SUZ12: variants seen among roughly 807,000 people sequenced by gnomAD.
The protein encoded by SUZ12 is SUZ12 polycomb repressive complex 2 subunit.
A neutral mutation model predicts 87.3 loss-of-function variants in SUZ12; 17 were observed. The ratio of observed to expected loss-of-function variants is 0.19; its 90% CI spans 0.13 to 0.29. The LOEUF is 0.29. Among genes scored for constraint, SUZ12 ranks in the 10% least tolerant of loss-of-function variants. The pLI, the probability that SUZ12 is intolerant of heterozygous loss-of-function variation, is 1.00. For missense variants in SUZ12, 526 were observed against 912.2 expected (o/e 0.58, Z 5.45); for synonymous variants, 253 against 312.4 (o/e 0.81, Z 2.01).
Position 31,989,997 on chromosome 17 carries a change from C to T in SUZ12, c.1201+1500C>T, listed in dbSNP as rs1257786812. On this transcript the variant is annotated intron_variant, in intron 10 of 15. Transcript: ENST00000322652. Reference sequence around the variant, plus strand: ...TTCTTTTTTGAGATGGAGTCTCGCCCAGGCTGGAGTGCAGTGGTGCGATCT... The same window carrying T: ...TTCTTTTTTGAGATGGAGTCTCGCCTAGGCTGGAGTGCAGTGGTGCGATCT... Among the ~76,000 whole-genome samples, 3 of 140,568 alleles carry T rather than the reference C, an allele frequency of 2.1e-5. No homozygotes were observed. In the East Asian group the frequency reaches 5.8e-4, roughly 27 times the overall value. 92.2% of individuals were successfully genotyped at this position (140,568 alleles called of 152,430 possible). A position where few individuals can be genotyped will look rare whatever the true frequency, so the allele number is the denominator to read the frequency against.
intron 9 of SUZ12, among the ~76,000 whole-genome samples, chr17:31,987,827 A>G (rs1909495329): frequency 6.6e-6 from 1 of 152,074 alleles, no homozygotes; most frequent in Non-Finnish European, 1.5e-5. Context: ...AATCCCAGCT[A>G]CTTGGGAGGC....
At position 31,988,425 on chromosome 17, in the gene SUZ12, C is replaced by T. The variant is rs1446094255; in HGVS notation, c.1129C>T (p.Leu377Phe). The change falls in exon 10 of 16, where the codon CTT (leucine) becomes TTT (phenylalanine). Residue 377 changes from leucine to phenylalanine, a missense_variant. By Grantham distance (22) the Leu-to-Phe change is conservative (BLOSUM62 0). Around this residue, in one of 9 missense-constraint regions of SUZ12, gnomAD observed 85 missense variants for 87.4 expected, o/e 0.97. Transcript: ENST00000322652. ...ATCTACGGCTCCTATTGCCAAACCT[C>T]TTGCCACTAGAAATTCAGAGAGTCT... ...DKSTAPIAKP[L>F]ATRNSESLHQ... 1 of 1,613,936 alleles carries T rather than the reference C, an allele frequency of 6.2e-7. No homozygotes were observed.
intron 5 of SUZ12, among the ~76,000 whole-genome samples, chr17:31,971,020 G>T (rs521919): frequency 0.18 from 27,743 of 151,810 alleles, 3,119 homozygotes; most frequent in African/African-American, 0.31. Flanking sequence ...TGTAAAGCCT[G>T]TGTTAATTTA....
intron 3 of SUZ12, among the ~76,000 whole-genome samples, chr17:31,945,185 A>G (rs1248849200): frequency 1.3e-5 from 2 of 152,014 alleles, no homozygotes; most frequent in Non-Finnish European, 2.9e-5. Context: ...TGTTGTCTTC[A>G]GCGTAGTTGG....
chr17:31,985,484 C>T (rs1396687076), intron 9 of SUZ12, among the ~76,000 whole-genome samples: 1 of 151,500 alleles, frequency 6.6e-6, no homozygotes, highest in Admixed American at 6.6e-5. Context: ...GTGGTTAACT[C>T]CAGGTGATGA....
intron 4 of SUZ12, among the ~76,000 whole-genome samples, chr17:31,949,414 G>T (rs1906813638): frequency 6.6e-6 from 1 of 152,134 alleles, no homozygotes; most frequent in Non-Finnish European, 1.5e-5. Flanking sequence ...AGCCTCTCAA[G>T]ATTCTTATGA....
At position 31,969,441 on chromosome 17, in the gene SUZ12, C is replaced by T. The variant is rs532172514; in HGVS notation, c.505+3245C>T. Among the ~76,000 whole-genome samples, 5 of 151,338 alleles carry T rather than the reference C, an allele frequency of 3.3e-5. No homozygotes were observed. The South Asian group carries it at 6.3e-4, about 19-fold the overall frequency. On this transcript the variant is annotated intron_variant, in intron 5 of 15. Coordinates refer to ENST00000322652, the MANE Select transcript of SUZ12 (RefSeq NM_015355.4). ...TGGGATTTCAGTAGGCATGAGCCAC[C>T]GAGCCCAGCCCCTAATTTTTATATT...
intron 10 of SUZ12, among the ~76,000 whole-genome samples, chr17:31,989,889 A>G (rs994186195): frequency 8.7e-5 from 13 of 149,352 alleles, no homozygotes; most frequent in Admixed American, 2.7e-4. Context: ...GATTACAGGC[A>G]CGAGCCACTG....
At chr17:31,942,400 A>G (rs1246475220) in intron 3 of SUZ12, among the ~76,000 whole-genome samples, 1 of 151,618 alleles carries the variant, frequency 6.6e-6, no homozygotes, top group Non-Finnish European at 1.5e-5. Context: ...CAATGGCGCA[A>G]TCTTGGCTCA....
At chr17:31,951,920 A>G (rs866456375) in intron 4 of SUZ12, among the ~76,000 whole-genome samples, 10 of 151,508 alleles carry the variant, frequency 6.6e-5, no homozygotes, top group South Asian at 2.1e-4. Flanking sequence ...GATTATATGC[A>G]TGCCCTACCA....
At chr17:31,945,308 C>T (rs1906571842) in intron 3 of SUZ12, among the ~76,000 whole-genome samples, 1 of 152,104 alleles carries the variant, frequency 6.6e-6, no homozygotes, top group Admixed American at 6.6e-5. Context: ...ATAAGCATAT[C>T]ACTCCCTTTA....
intron 4 of SUZ12, among the ~76,000 whole-genome samples, chr17:31,953,889 T>A (rs544873883): frequency 6.7e-4 from 102 of 151,768 alleles, no homozygotes; most frequent in East Asian, 3.1e-3. Context: ...AATTTTTGTA[T>A]TTTTAGTAGA....
rs752157487 is a variant in SUZ12 at position 31,973,152 on chromosome 17, C to T, written c.512C>T (p.Pro171Leu). Residue 171 changes from proline to leucine, a missense_variant, in exon 6 of 16, where the codon CCA becomes CTA. By Grantham distance (98) the Pro-to-Leu change is moderately conservative. Around this residue, in one of 9 missense-constraint regions of SUZ12, gnomAD observed 49 missense variants for 73.2 expected, o/e 0.67. Coordinates refer to ENST00000322652, the MANE Select transcript of SUZ12 (RefSeq NM_015355.4). ...ATACTGATTTTCTATTTAGATAAGC[C>T]ATCACCAAACTCAGAAAATGAACAA... is the stretch of plus-strand genomic sequence containing the variant. Reference protein sequence around the residue: ...FTGFFHKNDKPSPNSENEQNS... With the variant: ...FTGFFHKNDKLSPNSENEQNS... 3.9e-6 allele frequency: 6 copies of T among 1,541,824 alleles called. No individual in the cohort carries two copies. Among genetic ancestry groups the T allele is most frequent in the African/African-American group, 1.4e-5 (1 of 70,592 alleles).
intron 8 of SUZ12, 25 bp downstream of exon 8, chr17:31,976,639 T>A (rs574108413): frequency 5.3e-6 from 8 of 1,497,756 alleles, no homozygotes; most frequent in Non-Finnish European, 7.4e-6. Context: ...CAAGTGAGGC[T>A]CCCACAATGT....
At chr17:31,943,028 G>A (rs981140968) in intron 3 of SUZ12, among the ~76,000 whole-genome samples, 3 of 152,210 alleles carry the variant, frequency 2.0e-5, no homozygotes, top group Admixed American at 2.0e-4. Flanking sequence ...GTTGAGTTGT[G>A]TAAATCTTGT....
In SUZ12 at chr17:31,975,732, A is replaced by G. The variant is rs370825268; in HGVS notation, c.823+19A>G. The G allele has an allele frequency of 6.6e-4, 1,034 of 1,561,190 alleles. 1 individual carries two copies. Among genetic ancestry groups the G allele is most frequent in the Non-Finnish European group, 6.9e-4 (783 of 1,141,274 alleles). Reference sequence around the variant, plus strand: ...AATATTGGTAATTTTTTTTTTTACTAGATTTTATCACTGGAGACTAAGATG... The same window carrying G: ...AATATTGGTAATTTTTTTTTTTACTGGATTTTATCACTGGAGACTAAGATG... On this transcript the variant is annotated intron_variant, in intron 7 of 15. Transcript: ENST00000322652.
At chr17:31,961,320 G>A in intron 4 of SUZ12, among the ~76,000 whole-genome samples, 1 of 152,198 alleles carries the variant, frequency 6.6e-6, no homozygotes, top group East Asian at 1.9e-4. Flanking sequence ...GCCGAGGTGG[G>A]TGGATCACCT....
At chr17:31,956,821 A>G (rs185384031) in intron 4 of SUZ12, among the ~76,000 whole-genome samples, 338 of 151,998 alleles carry the variant, frequency 2.2e-3, no homozygotes, top group Non-Finnish European at 3.5e-3. Flanking sequence ...GTCTCATTCT[A>G]TGGCTCAGCA....
At chr17:31,998,633 T>C in intron 15 of SUZ12, 25 bp from the exon 16 acceptor site, 1 of 1,498,026 alleles carries the variant, frequency 6.7e-7, no homozygotes, top group Non-Finnish European at 8.9e-7. Context: ...TGTATTGCTA[T>C]TCATATTCTG....
Sources: allele counts gnomAD v4.1 joint callset (sites outside exome capture counted in the v4.1 genomes callset), GRCh38; gene constraint gnomAD v4.1.1; regional missense constraint gnomAD v4.1.1; transcripts MANE v1.5; gene names NCBI Gene and HGNC (gene_info 2026-07-23, HGNC 2026-07-21).